The following AMBRA1 variants were observed in gnomAD, a reference collection of about 807,000 sequenced individuals.
AMBRA1 encodes autophagy and beclin 1 regulator 1.
Under a neutral mutation model 125.4 loss-of-function variants are expected in AMBRA1, and 47 were observed. That is an observed-to-expected ratio of 0.37 (90% CI 0.30 to 0.48). The LOEUF (loss-of-function observed/expected upper bound fraction) is 0.48, where lower values mean the gene tolerates loss of function less well. Among genes scored for constraint, AMBRA1 ranks in the 20% least tolerant of loss-of-function variants. The pLI is 0.99. For missense variants in AMBRA1, 1,331 were observed against 1,693.4 expected (o/e 0.79, Z 3.76); for synonymous variants, 626 against 655.5 (o/e 0.95, Z 0.69).
intron 1 of AMBRA1, among the ~76,000 whole-genome samples, chr11:46,564,430 C>T (rs2043450677): frequency 6.6e-6 from 1 of 152,048 alleles, no homozygotes; most frequent in African/African-American, 2.4e-5. Context: ...ATTCCCATTT[C>T]ACAGATCAGA....
chr11:46,404,695 C>T (rs980657835), intron 17 of AMBRA1, among the ~76,000 whole-genome samples: 108 of 152,326 alleles, frequency 7.1e-4, no homozygotes, highest in African/African-American at 2.5e-3. Context: ...CTGGGGCCAT[C>T]CTCTACCGCC....
At chr11:46,465,001 G>C (rs897690592) in intron 11 of AMBRA1, among the ~76,000 whole-genome samples, 4 of 151,878 alleles carry the variant, frequency 2.6e-5, no homozygotes, top group African/African-American at 9.7e-5. Flanking sequence ...CTGCGATCGC[G>C]CCACCGCACT....
Position 46,540,888 on chromosome 11 carries a change from GCA to G in AMBRA1, c.2072+1055_2072+1056del, listed in dbSNP as rs375254461. Among the ~76,000 whole-genome samples the G allele has an allele frequency of 3.9e-3, 596 of 152,308 alleles. 3 individuals carry two copies. Among genetic ancestry groups the G allele is most frequent in the African/African-American group, 0.014 (582 of 41,580 alleles). ...TCTTTTGTATTTCCCACAGTGCCTAGCACAGTGTTAGAAAATTTGTAACCATT... is the reference window on the plus strand; with the variant it reads ...TCTTTTGTATTTCCCACAGTGCCTAGCAGTGTTAGAAAATTTGTAACCATT... On this transcript the variant is annotated intron_variant, in intron 7 of 17. Coordinates refer to ENST00000683756, the MANE Select transcript of AMBRA1 (RefSeq NM_001387011.1).
chr11:46,540,979 G>A (rs956294919), intron 7 of AMBRA1, among the ~76,000 whole-genome samples: 2 of 152,162 alleles, frequency 1.3e-5, no homozygotes, highest in African/African-American at 4.8e-5. Context: ...AGTACATTAT[G>A]TGCATAATTC....
Position 46,434,991 on chromosome 11 carries a change from G to C in AMBRA1, c.2679C>G (p.Ala893=), listed in dbSNP as rs770525898. 1.4e-5 allele frequency: 22 copies of C among 1,613,540 alleles called. No homozygotes were observed. Among genetic ancestry groups the C allele is most frequent in the Non-Finnish European group, 1.6e-5 (19 of 1,179,828 alleles). Residue 893 remains alanine, a synonymous_variant, in exon 13 of 18, where the codon GCC becomes GCG. Transcript: ENST00000683756. ...LVQNCKIYND[A]SCDISADGQL... ...GGCCATCTGCAGAAATGTCACAGCT[G>C]GCATCATTGTAGATCTTGCAGTTCT...
At chr11:46,526,872 G>A (rs1951998473) in intron 7 of AMBRA1, among the ~76,000 whole-genome samples, 1 of 152,316 alleles carries the variant, frequency 6.6e-6, no homozygotes, top group East Asian at 1.9e-4. Context: ...AGCAACATTA[G>A]AACTAAGTCC....
At chr11:46,440,683 T>C (rs1015417817) in intron 12 of AMBRA1, among the ~76,000 whole-genome samples, 3 of 152,232 alleles carry the variant, frequency 2.0e-5, no homozygotes, top group African/African-American at 4.8e-5. Context: ...ATGTGGATTG[T>C]GGTTAATTTC....
At chr11:46,417,180 T>C (rs970168701) in intron 15 of AMBRA1, among the ~76,000 whole-genome samples, 2 of 151,982 alleles carry the variant, frequency 1.3e-5, no homozygotes, top group African/African-American at 4.8e-5. Context: ...GCCTCCTGAG[T>C]AGCTGGGACT....
chr11:46,587,377 CA>C (rs1040987452), intron 1 of AMBRA1, among the ~76,000 whole-genome samples: 1 of 151,206 alleles, frequency 6.6e-6, no homozygotes, highest in Non-Finnish European at 1.5e-5. Flanking sequence ...GAGACCCTGC[CA>C]CAAAAAAAAA....
chr11:46,570,329 C>T (rs1054666796), intron 1 of AMBRA1, among the ~76,000 whole-genome samples: 18 of 149,818 alleles, frequency 1.2e-4, no homozygotes, highest in Non-Finnish European at 2.2e-4. Flanking sequence ...CATCCCCACT[C>T]TAAGTCTCCT....
intron 6 of AMBRA1, 139 bp downstream of exon 6, chr11:46,543,836 C>A: frequency 1.3e-6 from 1 of 744,790 alleles, no homozygotes; most frequent in Non-Finnish European, 2.2e-6. Flanking sequence ...AATATACAGT[C>A]TGAAGCTAGC....
chr11:46,440,033 C>T (rs1191475451), intron 12 of AMBRA1, among the ~76,000 whole-genome samples: 2 of 151,890 alleles, frequency 1.3e-5, no homozygotes, highest in East Asian at 1.9e-4. Context: ...TAATTTGGCA[C>T]GAGCTGTATA....
At chr11:46,471,847 C>T (rs963311829) in intron 11 of AMBRA1, among the ~76,000 whole-genome samples, 1 of 151,904 alleles carries the variant, frequency 6.6e-6, no homozygotes, top group African/African-American at 2.4e-5. Flanking sequence ...AGGATGGTCT[C>T]GATCTCCTGT....
At chr11:46,502,663 A>G (rs1161019635) in intron 9 of AMBRA1, among the ~76,000 whole-genome samples, 1 of 152,210 alleles carries the variant, frequency 6.6e-6, no homozygotes, top group Non-Finnish European at 1.5e-5. Context: ...ATGAGTCATC[A>G]GGTCTATCAC....
chr11:46,467,511 A>G (rs1428728419), intron 11 of AMBRA1, among the ~76,000 whole-genome samples: 1 of 148,288 alleles, frequency 6.7e-6, no homozygotes, highest in Non-Finnish European at 1.5e-5. Context: ...ATGAATATAT[A>G]CTTTTGTCTA....
rs1946134209 is a variant in AMBRA1, at chr11:46,408,499, C to T, written c.3403+14G>A. 6.6e-7 allele frequency: 1 copy of T among 1,517,624 alleles called. No homozygotes were observed. Among genetic ancestry groups the T allele is most frequent in the Admixed American group, 2.0e-5 (1 of 49,156 alleles). 94.0% of individuals were successfully genotyped at this position (1,517,624 alleles called of 1,614,324 possible). On this transcript the variant is annotated intron_variant, in intron 17 of 17. Coordinates refer to ENST00000683756, the MANE Select transcript of AMBRA1 (RefSeq NM_001387011.1). ...GTCCCTCTCCCACCCCCTCCAGCGC[C>T]ACATGGCTCCTACCTTCACCAGGAC...
chr11:46,508,704 G>C (rs576461105), intron 8 of AMBRA1, among the ~76,000 whole-genome samples: 1 of 152,286 alleles, frequency 6.6e-6, no homozygotes, highest in South Asian at 2.1e-4. Flanking sequence ...TCTTTACACA[G>C]AGCTGTGCTC....
chr11:46,592,920 G>A (rs536775655), intron 1 of AMBRA1, among the ~76,000 whole-genome samples: 28 of 152,028 alleles, frequency 1.8e-4, no homozygotes, highest in Admixed American at 1.8e-3. Flanking sequence ...TTTCCAAAGA[G>A]GCTGGGGAGA....
intron 1 of AMBRA1, among the ~76,000 whole-genome samples, chr11:46,582,255 G>A (rs2044202108): frequency 6.6e-6 from 1 of 151,824 alleles, no homozygotes; most frequent in Non-Finnish European, 1.5e-5. Context: ...AATGTGTCAA[G>A]TTCTCTCCCA....
Sources: allele counts gnomAD v4.1 joint callset (sites outside exome capture counted in the v4.1 genomes callset), GRCh38; gene constraint gnomAD v4.1.1; transcripts MANE v1.5; gene names NCBI Gene and HGNC (gene_info 2026-07-23, HGNC 2026-07-21).